ZNF639: variants seen among roughly 807,000 people sequenced by gnomAD.
ZNF639 encodes zinc finger protein 639, also known as zinc finger amplified in esophageal squamous cell carcinomas 1.
Under a neutral mutation model 39.8 loss-of-function variants are expected in ZNF639, and 20 were observed. That is an observed-to-expected ratio of 0.50 (90% CI 0.35 to 0.73). ZNF639 has a LOEUF of 0.73. Ranked by LOEUF, ZNF639 falls within the 30% of genes least tolerant of loss-of-function variation. ZNF639 has a pLI of 0.00. For synonymous variants in ZNF639, 176 were observed against 189.8 expected, an observed-to-expected ratio of 0.93 and a Z score of 0.60; for missense variants, 477 against 566.2, an observed-to-expected ratio of 0.84 and a Z score of 1.60.
At chr3:179,327,192 A>G (rs1049896829) in intron 1 of ZNF639, among the ~76,000 whole-genome samples, 3 of 152,230 alleles carry the variant, frequency 2.0e-5, no homozygotes, top group Admixed American at 6.5e-5. Flanking sequence ...CTCGGTCTCA[A>G]AAACAAAAAG....
chr3:179,322,974 G>T (rs1727360161), upstream of ZNF639: 5 of 985,204 alleles, frequency 5.1e-6, no homozygotes, highest in Non-Finnish European at 6.0e-6. Context: ...CGTTCGCGCA[G>T]CCCGCTCCCT....
intron 4 of ZNF639, among the ~76,000 whole-genome samples, chr3:179,331,507 G>A (rs904793877): frequency 2.6e-5 from 4 of 152,118 alleles, no homozygotes; most frequent in South Asian, 2.1e-4. Flanking sequence ...GGCCAGGTGC[G>A]GTGGCTCACG....
rs1325903954 is a variant in ZNF639, at chr3:179,334,539, T to G, written c.*117T>G. 1 of 700,334 alleles carries G rather than the reference T, an allele frequency of 1.4e-6. No individual in the cohort carries two copies. Among genetic ancestry groups the G allele is most frequent in the Admixed American group, 3.8e-5 (1 of 26,284 alleles). 43.4% of individuals were successfully genotyped at this position (700,334 alleles called of 1,614,324 possible). Reference sequence around the variant, plus strand: ...ATGAAATCTGCCTTTAACAAGTAACTTTTTTAAATTATAAAATTTTATTGG... The same window carrying G: ...ATGAAATCTGCCTTTAACAAGTAACGTTTTTAAATTATAAAATTTTATTGG... On this transcript the variant is annotated 3_prime_UTR_variant, in exon 6 of 6. Coordinates refer to ENST00000496856, the MANE Select transcript of ZNF639 (RefSeq NM_001303426.2).
Position 179,323,131 on chromosome 3 carries a change from G to A in ZNF639, c.-243G>A, listed in dbSNP as rs1182990302. 1.9e-5 allele frequency: 19 copies of A among 984,750 alleles called. 1 individual carries two copies. Among genetic ancestry groups the A allele is most frequent in the African/African-American group, 1.7e-4 (10 of 57,254 alleles). 61.0% of individuals were successfully genotyped at this position (984,750 alleles called of 1,614,324 possible). A position where few individuals can be genotyped will look rare whatever the true frequency, so the allele number is the denominator to read the frequency against. On this transcript the variant is annotated 5_prime_UTR_variant, in exon 1 of 6. Coordinates refer to ENST00000496856, the MANE Select transcript of ZNF639 (RefSeq NM_001303426.2). The stretch of plus-strand genomic sequence containing the variant: ...TCAGGGCGTGGGGCGCGCGGGGAGG[G>A]AGAGGGGTCGGCCCAGCACAGCGTC...
Position 179,329,555 on chromosome 3 carries a change from G to A in ZNF639, c.59-63G>A, listed in dbSNP as rs1226930303. ...AGAACATTTGTATAAGTTAGATAAC[G>A]GGAAGTTTCTCATTAAATATGTATG... On this transcript the variant is annotated intron_variant, in intron 3 of 5. Coordinates refer to ENST00000496856, the MANE Select transcript of ZNF639 (RefSeq NM_001303426.2). 30 of 865,188 alleles carry A rather than the reference G, an allele frequency of 3.5e-5. 1 individual carries two copies. The highest frequency in any genetic ancestry group is 2.2e-4 in the Middle Eastern group (1 of 4,550). 53.6% of individuals were successfully genotyped at this position (865,188 alleles called of 1,614,324 possible).
Position 179,335,491 on chromosome 3 carries a change from A to G in ZNF639, c.*1069A>G, listed in dbSNP as rs2108510066. 6.6e-6 allele frequency: 1 copy of G among 152,354 alleles called. No homozygotes were observed. Among genetic ancestry groups the G allele is most frequent in the Non-Finnish European group, 1.5e-5 (1 of 68,040 alleles). The allele number at this position is 152,354 out of a possible 1,614,324, so 9.4% of individuals were successfully genotyped here. A position where few individuals can be genotyped will look rare whatever the true frequency, so the allele number is the denominator to read the frequency against. ...GGAGATAGGGGTTGCTGGCATGAAA[A>G]TGTATAACTTACAACATTTATTAAT... On this transcript the variant is annotated 3_prime_UTR_variant, in exon 6 of 6. Transcript: ENST00000496856.
At chr3:179,329,785 C>A in intron 4 of ZNF639, 57 bp downstream of exon 4, 2 of 902,356 alleles carry the variant, frequency 2.2e-6, no homozygotes. Flanking sequence ...ATTTTTTATT[C>A]CTTACTTGAA....
rs904883667 is a variant in ZNF639 at position 179,325,645 on chromosome 3, G to A, written c.-82-1916G>A. The stretch of plus-strand genomic sequence containing the variant: ...GCGGTGGCTCACGCCTGTAATCCCA[G>A]CACCTTGGGAGGCCGAGGCGGGCAG... On this transcript the variant is annotated intron_variant, in intron 1 of 5. Coordinates refer to ENST00000496856, the MANE Select transcript of ZNF639 (RefSeq NM_001303426.2). Among the ~76,000 whole-genome samples, 10 of 152,042 alleles carry A rather than the reference G, an allele frequency of 6.6e-5. No individual in the cohort carries two copies. The East Asian group carries it at 7.8e-4, about 12-fold the overall frequency.
Position 179,333,004 on chromosome 3 carries a change from C to T in ZNF639, c.185C>T (p.Thr62Ile). The T allele has an allele frequency of 6.4e-7, 1 of 1,550,500 alleles. No homozygotes were observed. Residue 62 changes from threonine (T) to isoleucine (I), a missense_variant, in exon 5 of 6, where the codon ACC (threonine) becomes ATC (isoleucine). Physicochemically the swap from Thr to Ile is moderately conservative, Grantham distance 89. Coordinates refer to ENST00000496856, the MANE Select transcript of ZNF639 (RefSeq NM_001303426.2). ...CTTTTTACAGATGATGATTCTGATA[C>T]CGAGACGTCAAATGACTTGCCAAAA... Reference protein sequence around the residue: ...YFDNKDDDSDTETSNDLPKFA... With the variant: ...YFDNKDDDSDIETSNDLPKFA...
intron 2 of ZNF639, 180 bp from the exon 3 acceptor site, chr3:179,328,103 C>A (rs1388948410): frequency 2.3e-6 from 1 of 430,530 alleles, no homozygotes; most frequent in African/African-American, 2.1e-5. Flanking sequence ...TGCCTTGAAA[C>A]CTGACTGGAA....
Position 179,337,704 on chromosome 3 carries a change from C to G in ZNF639, c.*3282C>G. 6.6e-6 allele frequency: 1 copy of G among 152,264 alleles called. No homozygotes were observed. Among genetic ancestry groups the G allele is most frequent in the East Asian group, 1.9e-4 (1 of 5,164 alleles). 9.4% of individuals were successfully genotyped at this position (152,264 alleles called of 1,614,324 possible). A position where few individuals can be genotyped will look rare whatever the true frequency, so the allele number is the denominator to read the frequency against. ...CCCAATGACAGTTTGTCCCACAAAA[C>G]CTTTTCGCCTTGGCCCAGTTTTCAA... On this transcript the variant is annotated 3_prime_UTR_variant, in exon 6 of 6. Coordinates refer to ENST00000496856, the MANE Select transcript of ZNF639 (RefSeq NM_001303426.2).
Position 179,328,330 on chromosome 3 carries a change from C to G in ZNF639, c.37C>G (p.Leu13Val), listed in dbSNP as rs771319407. ...EYPKKRKRKT[L>V]HPSRYSDSSG... ...TCCTAAAAAAAGAAAAAGGAAGACT[C>G]TACACCCTTCTCGTTATTCAGGTCA... Residue 13 changes from leucine to valine, a missense_variant, in exon 3 of 6, where the codon CTA (leucine) becomes GTA (valine). By Grantham distance (32) the Leu-to-Val change is conservative. Coordinates refer to ENST00000496856, the MANE Select transcript of ZNF639 (RefSeq NM_001303426.2). 2 of 1,586,166 alleles carry G rather than the reference C, an allele frequency of 1.3e-6. No individual in the cohort carries two copies. Among genetic ancestry groups the G allele is most frequent in the South Asian group, 2.3e-5 (2 of 86,742 alleles).
chr3:179,329,506 T>C, intron 3 of ZNF639, 112 bp from the exon 4 acceptor site: 1 of 633,488 alleles, frequency 1.6e-6, no homozygotes, highest in South Asian at 2.0e-5. Flanking sequence ...AATATTTTCA[T>C]TACAGATACT....
At chr3:179,329,509 C>G (rs1298661560) in intron 3 of ZNF639, 109 bp from the exon 4 acceptor site, 6 of 637,088 alleles carry the variant, frequency 9.4e-6, no homozygotes, top group Non-Finnish European at 1.4e-5. Flanking sequence ...ATTTTCATTA[C>G]AGATACTATA....
rs752668852 is a variant in ZNF639 at position 179,335,547 on chromosome 3, G to A, written c.*1125G>A. ...GATAAATTAGCATCAATATTAGTTC[G>A]TATGGCTGCCATAACAAATTACTAC... On this transcript the variant is annotated 3_prime_UTR_variant, in exon 6 of 6. Coordinates refer to ENST00000496856, the MANE Select transcript of ZNF639 (RefSeq NM_001303426.2). The A allele has an allele frequency of 2.6e-5, 4 of 152,306 alleles. No individual in the cohort carries two copies. Among genetic ancestry groups the A allele is most frequent in the Non-Finnish European group, 4.4e-5 (3 of 68,020 alleles). The allele number at this position is 152,306 out of a possible 1,614,324, so 9.4% of individuals were successfully genotyped here. A position where few individuals can be genotyped will look rare whatever the true frequency, so the allele number is the denominator to read the frequency against.
chr3:179,337,612 C>T lies in ZNF639; in HGVS notation c.*3190C>T, dbSNP rs1220198500. 3 of 152,214 alleles carry T rather than the reference C, an allele frequency of 2.0e-5. No individual in the cohort carries two copies. Among genetic ancestry groups the T allele is most frequent in the South Asian group, 2.1e-4 (1 of 4,818 alleles). The allele number at this position is 152,214 out of a possible 1,614,324, so 9.4% of individuals were successfully genotyped here. On this transcript the variant is annotated 3_prime_UTR_variant, in exon 6 of 6. Coordinates refer to ENST00000496856, the MANE Select transcript of ZNF639 (RefSeq NM_001303426.2). Reference sequence around the variant, plus strand: ...TCGACCTCCCAAAGTGCTAGGATTACAGGCGTGAGCCACTGCACCCGGCAT... The same window carrying T: ...TCGACCTCCCAAAGTGCTAGGATTATAGGCGTGAGCCACTGCACCCGGCAT...
chr3:179,323,269 G>C lies in ZNF639; in HGVS notation c.-105G>C, dbSNP rs142375387. On this transcript the variant is annotated 5_prime_UTR_variant, in exon 1 of 6. Coordinates refer to ENST00000496856, the MANE Select transcript of ZNF639 (RefSeq NM_001303426.2). ...CCGCCGCCTCTGCGTGGGCCGGCCGGGAGGGCCTCGGGGGACTGACTGGTG... is the reference window on the plus strand; with the variant it reads ...CCGCCGCCTCTGCGTGGGCCGGCCGCGAGGGCCTCGGGGGACTGACTGGTG... The C allele has an allele frequency of 0.014, 13,465 of 985,318 alleles. 108 individuals carry two copies. Among genetic ancestry groups the C allele is most frequent in the Non-Finnish European group, 0.015 (12,782 of 829,962 alleles). 61.0% of individuals were successfully genotyped at this position (985,318 alleles called of 1,614,324 possible).
At chr3:179,333,235 TATAGTC>T (rs777467596) in intron 5 of ZNF639, 28 bp from the exon 6 acceptor site, 19 of 1,569,718 alleles carry the variant, frequency 1.2e-5, no homozygotes, top group Non-Finnish European at 1.5e-5. Context: ...CTTATTTAGT[TATAGTC>T]ATATAATAGG....
At chr3:179,328,109 T>G in intron 2 of ZNF639, 174 bp from the exon 3 acceptor site, 1 of 443,752 alleles carries the variant, frequency 2.3e-6, no homozygotes, top group Middle Eastern at 6.0e-4. Context: ...GAAACCTGAC[T>G]GGAAAACAAT....
Sources: gnomAD v4.1 joint callset for allele counts (sites outside exome capture counted in the v4.1 genomes callset) on GRCh38, gnomAD v4.1.1 for gene constraint, MANE v1.5 for transcripts, NCBI Gene and HGNC (gene_info 2026-07-23, HGNC 2026-07-21) for gene names.